Variants in PARD3 observed in about 807,000 individuals in gnomAD.
The protein encoded by PARD3 is par-3 family cell polarity regulator.
In PARD3, 75 loss-of-function variants were observed where a neutral mutation model predicts 155.4. The observed-to-expected ratio is 0.48, with a 90% CI of 0.40 to 0.58. The LOEUF is 0.58. Among genes scored for constraint, PARD3 ranks in the 20% least tolerant of loss-of-function variants. The probability of loss-of-function intolerance (pLI) is 0.00; values close to 1 mark genes in which losing one functional copy is unlikely to be tolerated. For missense variants in PARD3, 1,642 were observed against 1,721.7 expected (o/e 0.95, Z 0.82); for synonymous variants, 576 against 610.5 (o/e 0.94, Z 0.83).
intron 22 of PARD3, among the ~76,000 whole-genome samples, chr10:34,265,567 T>C (rs1344505237): frequency 6.6e-6 from 1 of 152,138 alleles, no homozygotes; most frequent in African/African-American, 2.4e-5. Context: ...CAATTGCAAA[T>C]TTTGGTGGAA....
At chr10:34,522,543 G>T (rs1271208119) in intron 2 of PARD3, among the ~76,000 whole-genome samples, 1 of 152,118 alleles carries the variant, frequency 6.6e-6, no homozygotes, top group Non-Finnish European at 1.5e-5. Context: ...TATTGTGATG[G>T]ATGATAAATA....
intron 7 of PARD3, among the ~76,000 whole-genome samples, chr10:34,392,181 T>C (rs925460104): frequency 6.6e-6 from 1 of 152,058 alleles, no homozygotes; most frequent in Non-Finnish European, 1.5e-5. Flanking sequence ...TAAATCAATT[T>C]TAAAAATAAA....
intron 3 of PARD3, among the ~76,000 whole-genome samples, chr10:34,483,003 A>T (rs1282652080): frequency 6.6e-6 from 1 of 151,898 alleles, no homozygotes; most frequent in Admixed American, 6.5e-5. Context: ...ACAAAAAAAA[A>T]AAATTAGCCA....
chr10:34,551,881 A>G (rs1439728467), intron 2 of PARD3, among the ~76,000 whole-genome samples: 1 of 152,214 alleles, frequency 6.6e-6, no homozygotes, highest in Non-Finnish European at 1.5e-5. Context: ...TGCATTTTGC[A>G]GAGACAAAAA....
At chr10:34,462,549 A>C (rs2077716258) in intron 4 of PARD3, among the ~76,000 whole-genome samples, 1 of 152,190 alleles carries the variant, frequency 6.6e-6, no homozygotes, top group Non-Finnish European at 1.5e-5. Flanking sequence ...AGCAGAAATC[A>C]AGAAGTCAAA....
rs74726682 is a variant in PARD3, at chr10:34,412,004, C to G, written c.715-10087G>C. Among the ~76,000 whole-genome samples, 801 of 149,628 alleles carry G rather than the reference C, an allele frequency of 5.4e-3. 6 individuals carry two copies. Among genetic ancestry groups the G allele is most frequent in the African/African-American group, 0.019 (763 of 40,822 alleles). ...AAGAGACAGGGTTTCATTCTGTCAC[C>G]TAGGCTGGAGTACAGTGGTATAATC... On this transcript the variant is annotated intron_variant, in intron 5 of 24. Coordinates refer to ENST00000374788, the MANE Select transcript of PARD3 (RefSeq NM_001184785.2).
intron 18 of PARD3, among the ~76,000 whole-genome samples, chr10:34,333,269 T>TA (rs1333776025): frequency 6.6e-6 from 1 of 152,136 alleles, no homozygotes; most frequent in African/African-American, 2.4e-5. Context: ...AGATTTTACT[T>TA]AGTGTACTGA....
intron 1 of PARD3, among the ~76,000 whole-genome samples, chr10:34,763,566 C>A (rs534097448): frequency 2.4e-4 from 36 of 152,070 alleles, no homozygotes; most frequent in Non-Finnish European, 4.6e-4. Context: ...GGCTGAGAAC[C>A]ATCACCATGA....
In PARD3 at chr10:34,495,472, A is replaced by G. The variant is rs1049708827; in HGVS notation, c.403+21507T>C. Among the ~76,000 whole-genome samples, 2 of 152,232 alleles carry G rather than the reference A, an allele frequency of 1.3e-5. 1 individual carries two copies. Among genetic ancestry groups the G allele is most frequent in the Admixed American group, 1.3e-4 (2 of 15,284 alleles). On this transcript the variant is annotated intron_variant, in intron 3 of 24. Coordinates refer to ENST00000374788, the MANE Select transcript of PARD3 (RefSeq NM_001184785.2). ...GTAGACTCACTACATTTTCAGACAT[A>G]GCTGTGAAAACTGAATTTAGAGCCA... is the stretch of plus-strand genomic sequence containing the variant.
At chr10:34,295,546 G>C (rs146896270) in intron 20 of PARD3, among the ~76,000 whole-genome samples, 2 of 152,084 alleles carry the variant, frequency 1.3e-5, no homozygotes, top group African/African-American at 4.8e-5. Flanking sequence ...TATCCAAGAC[G>C]GAATCCTGGA....
chr10:34,192,531 G>A (rs111568255), intron 22 of PARD3, among the ~76,000 whole-genome samples: 1,887 of 152,150 alleles, frequency 0.012, 42 homozygotes, highest in African/African-American at 0.043. Context: ...TTAATGCTTC[G>A]TAAAAAAAAT....
At chr10:34,229,895 C>T (rs968928918) in intron 22 of PARD3, among the ~76,000 whole-genome samples, 1 of 152,008 alleles carries the variant, frequency 6.6e-6, no homozygotes, top group Non-Finnish European at 1.5e-5. Context: ...CATTTTAGTA[C>T]CTTTTCTTAC....
At chr10:34,199,285 C>T (rs1951098685) in intron 22 of PARD3, among the ~76,000 whole-genome samples, 1 of 152,158 alleles carries the variant, frequency 6.6e-6, no homozygotes, top group Admixed American at 6.6e-5. Context: ...TCAGTCAATT[C>T]ACAATTAACC....
intron 2 of PARD3, among the ~76,000 whole-genome samples, chr10:34,610,974 C>A (rs914225634): frequency 1.4e-4 from 21 of 152,254 alleles, no homozygotes; most frequent in African/African-American, 4.8e-4. Flanking sequence ...GAAATACATT[C>A]ATGCAATGAC....
chr10:34,151,209 A>G (rs559633596), intron 22 of PARD3, among the ~76,000 whole-genome samples: 1 of 151,232 alleles, frequency 6.6e-6, no homozygotes, highest in Non-Finnish European at 1.5e-5. Context: ...TAGGACTATG[A>G]TTCTGTGCAG....
At position 34,219,273 on chromosome 10, in the gene PARD3, A is replaced by C. The variant is rs117152891; in HGVS notation, c.3419+50384T>G. 4.3e-3 allele frequency among the ~76,000 whole-genome samples: 650 copies of C among 152,330 alleles called. 2 individuals carry two copies. The highest frequency in any genetic ancestry group is 7.7e-3 in the Non-Finnish European group (521 of 68,014). On this transcript the variant is annotated intron_variant, in intron 22 of 24. Transcript: ENST00000374788. Reference sequence around the variant, plus strand: ...TGGCAGAGGGGCCTGGCAGTAGGAAATGTTGCAGAGAATGCCTGAAACACT... The same window carrying C: ...TGGCAGAGGGGCCTGGCAGTAGGAACTGTTGCAGAGAATGCCTGAAACACT...
intron 1 of PARD3, among the ~76,000 whole-genome samples, chr10:34,805,906 G>A (rs181764980): frequency 1.3e-5 from 2 of 152,074 alleles, no homozygotes; most frequent in Admixed American, 6.5e-5. Flanking sequence ...GAACCTAGGA[G>A]GTGGAGCTTG....
intron 1 of PARD3, among the ~76,000 whole-genome samples, chr10:34,813,165 T>C (rs926891257): frequency 6.6e-6 from 1 of 152,214 alleles, no homozygotes; most frequent in Non-Finnish European, 1.5e-5. Flanking sequence ...GTTCAGCCTA[T>C]GTCTATTTTG....
At chr10:34,517,263 TAA>T (rs1203187335) in intron 2 of PARD3, 104 bp from the exon 3 acceptor site, 7 of 985,066 alleles carry the variant, frequency 7.1e-6, no homozygotes, top group South Asian at 1.9e-5. Flanking sequence ...AATACTGATA[TAA>T]ATGACCCTAG....
Sources: allele counts gnomAD v4.1 joint callset (sites outside exome capture counted in the v4.1 genomes callset), GRCh38; gene constraint gnomAD v4.1.1; transcripts MANE v1.5; gene names NCBI Gene and HGNC (gene_info 2026-07-23, HGNC 2026-07-21).